MYBL2: variants seen among roughly 807,000 people sequenced by gnomAD.
MYBL2 encodes myb-related protein B.
In MYBL2, 28 loss-of-function variants were observed where a neutral mutation model predicts 79.9. The observed-to-expected ratio is 0.35, with a 90% CI of 0.26 to 0.48. MYBL2 has a LOEUF of 0.48. MYBL2 is among the 20% of genes least tolerant of loss of function. MYBL2 has a pLI of 0.99. For synonymous variants in MYBL2, 378 were observed against 361.2 expected, an observed-to-expected ratio of 1.05 and a Z score of -0.53; for missense variants, 735 against 893.9, an observed-to-expected ratio of 0.82 and a Z score of 2.27.
At position 43,716,232 on chromosome 20, in the gene MYBL2, A is replaced by C; in HGVS notation, c.*145A>C. The stretch of plus-strand genomic sequence containing the variant: ...CTCCCCAGACTCTCAGGTGGAGGCA[A>C]CAGGGCCATGTGCTGCCCTGTTGCC... On this transcript the variant is annotated 3_prime_UTR_variant, in exon 14 of 14. Transcript: ENST00000217026. The C allele has an allele frequency of 1.6e-6, 2 of 1,288,930 alleles. No homozygotes were observed. Among genetic ancestry groups the C allele is most frequent in the Middle Eastern group, 2.6e-4 (1 of 3,858 alleles). 79.8% of individuals were successfully genotyped at this position (1,288,930 alleles called of 1,614,324 possible).
rs532815395 is a variant in MYBL2, at chr20:43,695,559, G to A, written c.663+3240G>A. On this transcript the variant is annotated intron_variant, in intron 6 of 13. Coordinates refer to ENST00000217026, the MANE Select transcript of MYBL2 (RefSeq NM_002466.4). ...TGGACAAATATATTTGGTGGTGGGG[G>A]GAACCCTTTTGGCTGAGTATGGTGG... Among the ~76,000 whole-genome samples, 462 of 152,222 alleles carry A rather than the reference G, an allele frequency of 3.0e-3. 10 individuals carry two copies. The highest frequency in any genetic ancestry group is 0.024 in the Middle Eastern group (7 of 294).
At chr20:43,692,432 T>C in intron 6 of MYBL2, 113 bp downstream of exon 6, 1 of 1,358,814 alleles carries the variant, frequency 7.4e-7, no homozygotes. Context: ...AGTCTAAAAG[T>C]GGGCTCTGTG....
intron 1 of MYBL2, among the ~76,000 whole-genome samples, chr20:43,672,565 G>A (rs943799864): frequency 1.3e-5 from 2 of 152,146 alleles, no homozygotes; most frequent in Non-Finnish European, 2.9e-5. Flanking sequence ...AGGCAAAATA[G>A]TGAGATGTTT....
Position 43,700,055 on chromosome 20 carries a change from C to T in MYBL2, c.951+11C>T. 1.2e-6 allele frequency: 2 copies of T among 1,611,006 alleles called. No homozygotes were observed. Among genetic ancestry groups the T allele is most frequent in the Non-Finnish European group, 8.5e-7 (1 of 1,178,588 alleles). The stretch of plus-strand genomic sequence containing the variant: ...GACTTGATCGAGTCGGTATGTTGGT[C>T]ACAACACTTCACAGTGAGCACAGAA... On this transcript the variant is annotated intron_variant, in intron 7 of 13. Transcript: ENST00000217026.
intron 11 of MYBL2, 108 bp from the exon 12 acceptor site, chr20:43,712,894 C>T: frequency 1.2e-6 from 1 of 830,844 alleles, no homozygotes; most frequent in Non-Finnish European, 2.0e-6. Flanking sequence ...CAAGTCTGCA[C>T]TGCAGCAGGG....
chr20:43,710,752 G>A (rs1321365091), intron 10 of MYBL2, among the ~76,000 whole-genome samples: 1 of 152,150 alleles, frequency 6.6e-6, no homozygotes, highest in Admixed American at 6.5e-5. Flanking sequence ...CCTTGGGCCT[G>A]CCATGGAACT....
intron 6 of MYBL2, among the ~76,000 whole-genome samples, chr20:43,694,643 G>A (rs1987491162): frequency 6.6e-6 from 1 of 152,154 alleles, no homozygotes; most frequent in African/African-American, 2.4e-5. Flanking sequence ...CAATATGAAT[G>A]CACCTATGGG....
intron 2 of MYBL2, among the ~76,000 whole-genome samples, chr20:43,678,112 G>A (rs528553951): frequency 2.3e-4 from 35 of 151,964 alleles, no homozygotes; most frequent in East Asian, 5.8e-4. Flanking sequence ...CAGCATGCTC[G>A]TTAAGAGTCA....
At chr20:43,688,080 T>A (rs1262902049) in intron 5 of MYBL2, among the ~76,000 whole-genome samples, 1 of 152,092 alleles carries the variant, frequency 6.6e-6, no homozygotes, top group Non-Finnish European at 1.5e-5. Context: ...CTCCTATTTT[T>A]CATCTGTTTT....
At chr20:43,687,220 T>G (rs1046891998) in intron 5 of MYBL2, 148 bp downstream of exon 5, 1 of 784,232 alleles carries the variant, frequency 1.3e-6, no homozygotes, top group Non-Finnish European at 2.0e-6. Context: ...GAGGCATGCA[T>G]AGTCAGGAGG....
At chr20:43,690,271 C>T (rs1467411518) in intron 5 of MYBL2, among the ~76,000 whole-genome samples, 3 of 151,342 alleles carry the variant, frequency 2.0e-5, no homozygotes, top group East Asian at 1.9e-4. Flanking sequence ...AGTGGCGTGA[C>T]CTCAGCTCAC....
At chr20:43,673,627 G>C (rs746640749) in intron 1 of MYBL2, 179 bp from the exon 2 acceptor site, 12 of 700,028 alleles carry the variant, frequency 1.7e-5, no homozygotes, top group Non-Finnish European at 2.9e-5. Flanking sequence ...GACAGAGTGA[G>C]ACCCTGTCTC....
At chr20:43,710,634 T>C (rs1251327338) in intron 10 of MYBL2, among the ~76,000 whole-genome samples, 1 of 152,164 alleles carries the variant, frequency 6.6e-6, no homozygotes. Context: ...AAAGGCATGG[T>C]TGTGGAGGCA....
Position 43,716,134 on chromosome 20 carries a change from G to C in MYBL2, c.*47G>C. On this transcript the variant is annotated 3_prime_UTR_variant, in exon 14 of 14. Coordinates refer to ENST00000217026, the MANE Select transcript of MYBL2 (RefSeq NM_002466.4). ...CCATTCTCATGTTTACAGGGGTTGT[G>C]GGGGCAGAGGGGGTCTGTGAATCTG... 1 of 1,594,446 alleles carries C rather than the reference G, an allele frequency of 6.3e-7. No homozygotes were observed. Among genetic ancestry groups the C allele is most frequent in the Non-Finnish European group, 8.5e-7 (1 of 1,177,726 alleles).
chr20:43,714,167 C>T (rs1038639284), intron 12 of MYBL2, among the ~76,000 whole-genome samples: 11 of 152,214 alleles, frequency 7.2e-5, no homozygotes, highest in Non-Finnish European at 1.0e-4. Flanking sequence ...CTTTCAGGTT[C>T]CCTGAGCCCC....
intron 5 of MYBL2, among the ~76,000 whole-genome samples, chr20:43,690,876 G>A (rs166942): frequency 0.93 from 141,794 of 152,246 alleles, 66,189 homozygotes; most frequent in African/African-American, 0.97. Context: ...GAGCCACCGC[G>A]CCTGACCTGC....
In MYBL2 at chr20:43,688,248, C is replaced by A. The variant is rs557419572; in HGVS notation, c.500+1176C>A. 1.6e-3 allele frequency among the ~76,000 whole-genome samples: 248 copies of A among 151,856 alleles called. 2 individuals carry two copies. Among genetic ancestry groups the A allele is most frequent in the South Asian group, 0.014 (65 of 4,792 alleles). On this transcript the variant is annotated intron_variant, in intron 5 of 13. Coordinates refer to ENST00000217026, the MANE Select transcript of MYBL2 (RefSeq NM_002466.4). The stretch of plus-strand genomic sequence containing the variant: ...CCAGAGTCTCGCTCTGTCATCCAGG[C>A]TGGAGTGCAGTGGCGTGATCCGGGC...
chr20:43,688,514 A>T (rs1024306070), intron 5 of MYBL2, among the ~76,000 whole-genome samples: 5 of 149,956 alleles, frequency 3.3e-5, no homozygotes, highest in African/African-American at 1.2e-4. Context: ...CAGGGTTCTC[A>T]CTCTGTCACC....
chr20:43,672,602 C>T (rs1050661860), intron 1 of MYBL2, among the ~76,000 whole-genome samples: 6 of 152,210 alleles, frequency 3.9e-5, no homozygotes, highest in Admixed American at 3.9e-4. Context: ...AATAGCCAGG[C>T]ATAGTGTCAT....
Sources: gnomAD v4.1 joint callset for allele counts (sites outside exome capture counted in the v4.1 genomes callset) on GRCh38, gnomAD v4.1.1 for gene constraint, MANE v1.5 for transcripts, NCBI Gene and HGNC (gene_info 2026-07-23, HGNC 2026-07-21) for gene names.